PLS1: variants seen among roughly 807,000 people sequenced by gnomAD.
The protein encoded by PLS1 is plastin 1.
In PLS1, 32 loss-of-function variants were observed where a neutral mutation model predicts 73.7. The observed-to-expected ratio is 0.43, with a 90% CI of 0.33 to 0.58. The LOEUF (loss-of-function observed/expected upper bound fraction) is 0.58, where lower values mean the gene tolerates loss of function less well. Among genes scored for constraint, PLS1 ranks in the 20% least tolerant of loss-of-function variants. PLS1 has a pLI of 0.04. For synonymous variants in PLS1, 217 were observed against 261.3 expected, an observed-to-expected ratio of 0.83 and a Z score of 1.63; for missense variants, 633 against 740.5, an observed-to-expected ratio of 0.85 and a Z score of 1.68.
At position 142,631,714 on chromosome 3, in the gene PLS1, C is replaced by T. The variant is rs557719807; in HGVS notation, c.-36-32488C>T. 2.3e-4 allele frequency among the ~76,000 whole-genome samples: 30 copies of T among 128,698 alleles called. No homozygotes were observed. In the South Asian group the frequency reaches 7.5e-3, roughly 32 times the overall value. 84.4% of individuals were successfully genotyped at this position (128,698 alleles called of 152,430 possible). ...AAGAAGTTGAACCTTATACCATATG[C>T]AAAAATTAACTCAAAATGAATTAAA... On this transcript the variant is annotated intron_variant, in intron 1 of 15. Transcript: ENST00000457734.
chr3:142,711,804 CTT>C, intron 15 of PLS1, 66 bp from the exon 16 acceptor site: 1 of 1,529,162 alleles, frequency 6.5e-7, no homozygotes, highest in Non-Finnish European at 9.0e-7. Context: ...ATATTTCACT[CTT>C]TTGTTAAAAT....
At position 142,711,509 on chromosome 3, in the gene PLS1, TATA is replaced by T; in HGVS notation, c.1640_1642del (p.Ile547del). The T allele has an allele frequency of 6.3e-7, 1 of 1,584,026 alleles. No homozygotes were observed. The highest frequency in any genetic ancestry group is 8.7e-7 in the Non-Finnish European group (1 of 1,155,484). On this transcript the variant is annotated inframe_deletion, in exon 15 of 16. Coordinates refer to ENST00000457734, the MANE Select transcript of PLS1 (RefSeq NM_001145319.2). ...TATGCTTTATTTTCTAGGATAAATC[TATA>T]AGCACAAGTTTACCTGTCCTAGATT...
chr3:142,604,364 T>G (rs1460592300), intron 1 of PLS1, among the ~76,000 whole-genome samples: 1 of 152,222 alleles, frequency 6.6e-6, no homozygotes, highest in Non-Finnish European at 1.5e-5. Flanking sequence ...TGGAGAGCAC[T>G]CTGAATTCTT....
intron 1 of PLS1, among the ~76,000 whole-genome samples, chr3:142,620,208 T>C (rs58910647): frequency 0.25 from 38,387 of 151,814 alleles, 6,894 homozygotes; most frequent in African/African-American, 0.52. Flanking sequence ...CACTGCAATC[T>C]CCGCCTCCCA....
intron 1 of PLS1, among the ~76,000 whole-genome samples, chr3:142,610,478 C>G (rs1288889028): frequency 6.6e-6 from 1 of 152,098 alleles, no homozygotes; most frequent in Non-Finnish European, 1.5e-5. Context: ...ACCTTTTAAG[C>G]AGCCATATCT....
intron 14 of PLS1, among the ~76,000 whole-genome samples, chr3:142,710,169 T>C (rs1933051693): frequency 7.0e-6 from 1 of 143,038 alleles, no homozygotes; most frequent in African/African-American, 2.7e-5. Flanking sequence ...TCAGGACTCT[T>C]TTTTTTTTTT....
chr3:142,633,935 G>A (rs1298869975), intron 1 of PLS1, among the ~76,000 whole-genome samples: 1 of 152,154 alleles, frequency 6.6e-6, no homozygotes, highest in Non-Finnish European at 1.5e-5. Context: ...AATGTAATTA[G>A]AGCCATATTA....
chr3:142,601,155 G>GA (rs1218383195), intron 1 of PLS1, among the ~76,000 whole-genome samples: 1 of 150,192 alleles, frequency 6.7e-6, no homozygotes, highest in Non-Finnish European at 1.5e-5. Context: ...TCGATCTCCT[G>GA]ACCTCGTGAT....
intron 1 of PLS1, among the ~76,000 whole-genome samples, chr3:142,606,853 C>T (rs1165613856): frequency 6.6e-6 from 1 of 152,172 alleles, no homozygotes; most frequent in Non-Finnish European, 1.5e-5. Flanking sequence ...AGTTCATAGA[C>T]ATTGGGGTTG....
At chr3:142,707,116 G>A (rs567755200) in intron 14 of PLS1, among the ~76,000 whole-genome samples, 9 of 152,158 alleles carry the variant, frequency 5.9e-5, no homozygotes, top group Non-Finnish European at 1.2e-4. Flanking sequence ...CAGAAACATC[G>A]CGAAAGTGCT....
At chr3:142,648,340 TC>T in intron 1 of PLS1, among the ~76,000 whole-genome samples, 1 of 152,114 alleles carries the variant, frequency 6.6e-6, no homozygotes, top group East Asian at 1.9e-4. Context: ...TAGTGGGAAA[TC>T]AAGATTGTTG....
At chr3:142,608,328 G>A (rs1011338330) in intron 1 of PLS1, among the ~76,000 whole-genome samples, 13 of 152,212 alleles carry the variant, frequency 8.5e-5, no homozygotes, top group Non-Finnish European at 1.5e-4. Flanking sequence ...TAAAGCCAAA[G>A]ATACATTTTT....
intron 1 of PLS1, among the ~76,000 whole-genome samples, chr3:142,662,889 A>G (rs2037401450): frequency 6.6e-6 from 1 of 152,178 alleles, no homozygotes; most frequent in Non-Finnish European, 1.5e-5. Context: ...CTCACCCCCA[A>G]AAAGGTACAC....
intron 2 of PLS1, among the ~76,000 whole-genome samples, chr3:142,665,297 CAA>C (rs11285999): frequency 2.7e-5 from 3 of 112,324 alleles, no homozygotes; most frequent in African/African-American, 6.3e-5. Flanking sequence ...AAAAGCACTC[CAA>C]AAAAAAAAAA....
rs879817112 is a variant in PLS1, at chr3:142,687,103, C to G, written c.981+727C>G. On this transcript the variant is annotated intron_variant, in intron 9 of 15. Transcript: ENST00000457734. ...TTCTTTTAGCATAAGTTATAAATACCAGGGATGGTTCTATCTAAATCAGGA... is the reference window on the plus strand; with the variant it reads ...TTCTTTTAGCATAAGTTATAAATACGAGGGATGGTTCTATCTAAATCAGGA... Among the ~76,000 whole-genome samples the G allele has an allele frequency of 1.4e-4, 21 of 151,828 alleles. 1 individual carries two copies. Among genetic ancestry groups the G allele is most frequent in the Admixed American group, 3.3e-4 (5 of 15,218 alleles).
chr3:142,698,046 C>A lies in PLS1; in HGVS notation c.1350C>A (p.Ala450=). 1 of 1,594,136 alleles carries A rather than the reference C, an allele frequency of 6.3e-7. No homozygotes were observed. Among genetic ancestry groups the A allele is most frequent in the Non-Finnish European group, 8.6e-7 (1 of 1,161,994 alleles). ...ATGTCAACAAACCTCCTTATCCTGC[C>A]CTTGGAGGGAACATGAAGAAGGTGA... ...WSHVNKPPYP[A]LGGNMKKIEN... Residue 450 remains alanine (A), a synonymous_variant, in exon 12 of 16, where the codon GCC becomes GCA. Coordinates refer to ENST00000457734, the MANE Select transcript of PLS1 (RefSeq NM_001145319.2).
chr3:142,684,130 A>G lies in PLS1; in HGVS notation c.704A>G (p.Lys235Arg), dbSNP rs1436201101. 10 of 1,613,976 alleles carry G rather than the reference A, an allele frequency of 6.2e-6. No homozygotes were observed. Among genetic ancestry groups the G allele is most frequent in the Non-Finnish European group, 8.5e-6 (10 of 1,179,990 alleles). ...TTGGGACTTCTCTGGCAGATCATCAAAGTTGGCCTTTTTGCTGATATTGAG... is the reference window on the plus strand; with the variant it reads ...TTGGGACTTCTCTGGCAGATCATCAGAGTTGGCCTTTTTGCTGATATTGAG... ...LVLGLLWQII[K>R]VGLFADIEIS... The change falls in exon 7 of 16, where the codon AAA (lysine) becomes AGA (arginine). Residue 235 changes from lysine to arginine, a missense_variant. By Grantham distance (26) the Lys-to-Arg change is conservative. Transcript: ENST00000457734.
intron 1 of PLS1, among the ~76,000 whole-genome samples, chr3:142,632,093 G>C (rs894105747): frequency 6.6e-6 from 1 of 152,060 alleles, no homozygotes; most frequent in Non-Finnish European, 1.5e-5. Flanking sequence ...CATACAAATG[G>C]TCCATAAGCA....
At chr3:142,637,422 T>C (rs1408329380) in intron 1 of PLS1, among the ~76,000 whole-genome samples, 4 of 152,210 alleles carry the variant, frequency 2.6e-5, no homozygotes, top group East Asian at 1.9e-4. Flanking sequence ...AGGAATATTA[T>C]AGGAATCATA....
Sources: gnomAD v4.1 joint callset for allele counts (sites outside exome capture counted in the v4.1 genomes callset) on GRCh38, gnomAD v4.1.1 for gene constraint, MANE v1.5 for transcripts, NCBI Gene and HGNC (gene_info 2026-07-23, HGNC 2026-07-21) for gene names.